ARHGAP10: variants seen among roughly 807,000 people sequenced by gnomAD.
ARHGAP10 encodes rho GTPase-activating protein 10.
A neutral mutation model predicts 108.6 loss-of-function variants in ARHGAP10; 87 were observed. The ratio of observed to expected loss-of-function variants is 0.80; its 90% CI spans 0.67 to 0.96. ARHGAP10 has a LOEUF of 0.96. ARHGAP10 is among the 40% of genes least tolerant of loss of function. ARHGAP10 has a pLI of 0.00. For synonymous variants in ARHGAP10, 347 were observed against 341.1 expected (o/e 1.02, Z -0.19); for missense variants, 939 against 954.5 (o/e 0.98, Z 0.21).
chr4:147,919,324 T>G (rs1737130849), intron 13 of ARHGAP10, among the ~76,000 whole-genome samples: 1 of 152,256 alleles, frequency 6.6e-6, no homozygotes, highest in Non-Finnish European at 1.5e-5. Flanking sequence ...TCCATTTTGC[T>G]ACAGTATCAG....
intron 1 of ARHGAP10, among the ~76,000 whole-genome samples, chr4:147,793,921 A>G (rs140226234): frequency 8.3e-4 from 127 of 152,380 alleles, no homozygotes; most frequent in African/African-American, 2.9e-3. Flanking sequence ...CACCTTAAAA[A>G]ATAAAGTGTA....
chr4:147,916,613 A>G (rs889969541), intron 13 of ARHGAP10: 10 of 152,236 alleles, frequency 6.6e-5, no homozygotes, highest in Admixed American at 4.6e-4. Flanking sequence ...CCTGAACATC[A>G]TTAATTGCAT....
intron 18 of ARHGAP10, among the ~76,000 whole-genome samples, chr4:147,968,084 T>A (rs2149615454): frequency 6.6e-6 from 1 of 152,236 alleles, no homozygotes; most frequent in African/African-American, 2.4e-5. Flanking sequence ...CCCATGGCAG[T>A]TTGTGTTTGA....
chr4:147,956,447 G>A (rs917118166), intron 16 of ARHGAP10, among the ~76,000 whole-genome samples: 1 of 152,070 alleles, frequency 6.6e-6, no homozygotes, highest in Non-Finnish European at 1.5e-5. Flanking sequence ...AGCAAAAACT[G>A]GTTCTATTCG....
At chr4:147,738,508 G>A (rs1038666164) in intron 1 of ARHGAP10, among the ~76,000 whole-genome samples, 31 of 152,042 alleles carry the variant, frequency 2.0e-4, no homozygotes, top group Non-Finnish European at 3.4e-4. Flanking sequence ...AGCAGAGATC[G>A]CGTCACTGCA....
rs774356031 is a variant in ARHGAP10, at chr4:147,847,218, TA to T, written c.383del (p.Lys128ArgfsTer17). 1.9e-6 allele frequency: 3 copies of T among 1,611,026 alleles called. No homozygotes were observed. Among genetic ancestry groups the T allele is most frequent in the Non-Finnish European group, 2.5e-6 (3 of 1,177,298 alleles). On this transcript the variant is annotated frameshift_variant, in exon 4 of 23. Coordinates refer to ENST00000336498, the MANE Select transcript of ARHGAP10 (RefSeq NM_024605.4). LOFTEE classifies it high-confidence loss of function. Reference protein sequence around the residue: ...EKFRKEQLGAVKEEKKKFDKE... With the variant: ...EKFRKEQLGAXKEEKKKFDKE... ...TTCAGAAAAGAGCAACTTGGAGCTG[TA>T]AAGGTTTGTGTCTAATTTGAATACA...
intron 10 of ARHGAP10, among the ~76,000 whole-genome samples, chr4:147,899,248 T>C (rs544545589): frequency 1.3e-5 from 2 of 152,172 alleles, no homozygotes; most frequent in South Asian, 4.2e-4. Context: ...TCCACTGTTT[T>C]CTTTGTCTGT....
intron 18 of ARHGAP10, among the ~76,000 whole-genome samples, chr4:148,012,346 CA>C (rs917376375): frequency 6.6e-6 from 1 of 152,188 alleles, no homozygotes; most frequent in African/African-American, 2.4e-5. Context: ...TAAGCAGGAA[CA>C]TTTATACCTT....
At chr4:147,826,551 C>A (rs1213929411) in intron 3 of ARHGAP10, among the ~76,000 whole-genome samples, 1 of 152,182 alleles carries the variant, frequency 6.6e-6, no homozygotes, top group Non-Finnish European at 1.5e-5. Flanking sequence ...ATTAACAGGA[C>A]ACCTCCTAAT....
intron 1 of ARHGAP10, among the ~76,000 whole-genome samples, chr4:147,786,443 CGT>C (rs1730894799): frequency 6.6e-6 from 1 of 152,102 alleles, no homozygotes; most frequent in Non-Finnish European, 1.5e-5. Context: ...GGAGAAGTGG[CGT>C]GAGTCTCAAA....
chr4:147,739,087 C>T (rs949015491), intron 1 of ARHGAP10, among the ~76,000 whole-genome samples: 2 of 149,838 alleles, frequency 1.3e-5, no homozygotes, highest in African/African-American at 2.5e-5. Context: ...CTCGGGAGGC[C>T]GAGGCAGGAG....
intron 18 of ARHGAP10, among the ~76,000 whole-genome samples, chr4:147,988,108 C>T (rs1027287677): frequency 1.3e-5 from 2 of 152,154 alleles, no homozygotes; most frequent in East Asian, 1.9e-4. Context: ...GCAGGTGTCT[C>T]CTGCCTGTCC....
At chr4:148,045,738 CAAAAAAAAA>C (rs11363800) in intron 19 of ARHGAP10, among the ~76,000 whole-genome samples, 229 of 57,536 alleles carry the variant, frequency 4.0e-3, no homozygotes, top group African/African-American at 0.012. Context: ...AACTCCATCT[CAAAAAAAAA>C]AAAAAAAAAA....
chr4:147,847,225 TTG>T lies in ARHGAP10; in HGVS notation c.384+7_384+8del. On this transcript the variant is annotated splice_donor_5th_base_variant and intron_variant, in intron 4 of 22. Coordinates refer to ENST00000336498, the MANE Select transcript of ARHGAP10 (RefSeq NM_024605.4). Reference sequence around the variant, plus strand: ...AAGAGCAACTTGGAGCTGTAAAGGTTTGTGTCTAATTTGAATACACTCAGAAA... The same window carrying T: ...AAGAGCAACTTGGAGCTGTAAAGGTTTGTCTAATTTGAATACACTCAGAAA... 1 of 1,608,400 alleles carries T rather than the reference TTG, an allele frequency of 6.2e-7. No homozygotes were observed. Among genetic ancestry groups the T allele is most frequent in the Non-Finnish European group, 8.5e-7 (1 of 1,174,980 alleles).
At chr4:147,831,762 T>G (rs1732960425) in intron 3 of ARHGAP10, among the ~76,000 whole-genome samples, 2 of 152,230 alleles carry the variant, frequency 1.3e-5, no homozygotes, top group South Asian at 4.1e-4. Flanking sequence ...ATGTACCGTT[T>G]GAGAGTTTAA....
At chr4:147,740,458 C>T (rs1387509464) in intron 1 of ARHGAP10, among the ~76,000 whole-genome samples, 1 of 152,132 alleles carries the variant, frequency 6.6e-6, no homozygotes, top group Non-Finnish European at 1.5e-5. Context: ...GATAATCGAT[C>T]TTGATTATCT....
chr4:147,796,272 C>A (rs981438570), intron 1 of ARHGAP10, among the ~76,000 whole-genome samples: 1 of 152,142 alleles, frequency 6.6e-6, no homozygotes, highest in Non-Finnish European at 1.5e-5. Context: ...TATAATTAAT[C>A]CTTGCCCTTG....
chr4:147,984,283 A>G (rs1427749456), intron 18 of ARHGAP10, among the ~76,000 whole-genome samples: 1 of 152,188 alleles, frequency 6.6e-6, no homozygotes, highest in Non-Finnish European at 1.5e-5. Flanking sequence ...GGCTGGAGCC[A>G]CTGGAGAAGC....
intron 18 of ARHGAP10, among the ~76,000 whole-genome samples, chr4:147,989,717 C>T (rs866368367): frequency 3.9e-5 from 6 of 152,138 alleles, no homozygotes; most frequent in Middle Eastern, 3.2e-3. Context: ...TCAGGGTGCC[C>T]ACATTTCATA....
Sources: allele counts gnomAD v4.1 joint callset (sites outside exome capture counted in the v4.1 genomes callset), GRCh38; gene constraint gnomAD v4.1.1; transcripts MANE v1.5; gene names NCBI Gene and HGNC (gene_info 2026-07-23, HGNC 2026-07-21).